SORCS2: variants seen among roughly 807,000 people sequenced by gnomAD.
SORCS2 encodes the protein VPS10 domain-containing receptor SorCS2.
Under a neutral mutation model 141.6 loss-of-function variants are expected in SORCS2, and 100 were observed. The ratio of observed to expected loss-of-function variants is 0.71; its 90% CI spans 0.60 to 0.83. The LOEUF (loss-of-function observed/expected upper bound fraction) is 0.83, where lower values mean the gene tolerates loss of function less well. Among genes scored for constraint, SORCS2 ranks in the 40% least tolerant of loss-of-function variants. SORCS2 has a pLI of 0.00. For missense variants in SORCS2, 1,646 were observed against 1,560.2 expected (o/e 1.05, Z -0.93); for synonymous variants, 789 against 676.9 (o/e 1.17, Z -2.57).
At chr4:7,292,748 C>T (rs1226090935) in intron 1 of SORCS2, among the ~76,000 whole-genome samples, 1 of 152,112 alleles carries the variant, frequency 6.6e-6, no homozygotes, top group East Asian at 1.9e-4. Context: ...TCGGGAATCC[C>T]CTGCTGTTTT....
chr4:7,568,780 T>G (rs1360670753), intron 3 of SORCS2, among the ~76,000 whole-genome samples: 1 of 152,232 alleles, frequency 6.6e-6, no homozygotes, highest in Non-Finnish European at 1.5e-5. Context: ...TGCTATCCAG[T>G]AGAAGTCTAT....
At chr4:7,334,897 G>C (rs1719890801) in intron 1 of SORCS2, among the ~76,000 whole-genome samples, 1 of 152,148 alleles carries the variant, frequency 6.6e-6, no homozygotes, top group Non-Finnish European at 1.5e-5. Flanking sequence ...GCGAGTGTCA[G>C]TATCAGGCAT....
chr4:7,205,010 A>G (rs1727659617), intron 1 of SORCS2, among the ~76,000 whole-genome samples: 1 of 152,198 alleles, frequency 6.6e-6, no homozygotes, highest in African/African-American at 2.4e-5. Context: ...AAGTAATTCA[A>G]TTTGCACTCT....
At chr4:7,315,619 T>G (rs1718503830) in intron 1 of SORCS2, among the ~76,000 whole-genome samples, 1 of 152,184 alleles carries the variant, frequency 6.6e-6, no homozygotes, top group Non-Finnish European at 1.5e-5. Flanking sequence ...CATGTCCTCT[T>G]TCCTCCCAGG....
intron 25 of SORCS2, among the ~76,000 whole-genome samples, chr4:7,734,945 T>G (rs1712046149): frequency 6.6e-6 from 1 of 152,110 alleles, no homozygotes; most frequent in Non-Finnish European, 1.5e-5. Flanking sequence ...AAGAACAGTG[T>G]TTGTCTATTG....
chr4:7,281,226 C>T (rs375208529), intron 1 of SORCS2, among the ~76,000 whole-genome samples: 5 of 152,130 alleles, frequency 3.3e-5, no homozygotes, highest in East Asian at 1.9e-4. Context: ...ACTCTTGCCA[C>T]AGCCGTGTTC....
rs1292224218 is a variant in SORCS2, at chr4:7,703,189, A to G, written c.1669-91A>G. 10 of 1,034,572 alleles carry G rather than the reference A, an allele frequency of 9.7e-6. No homozygotes were observed. In the East Asian group the frequency reaches 2.8e-4, roughly 29 times the overall value. The allele number at this position is 1,034,572 out of a possible 1,614,324, so 64.1% of individuals were successfully genotyped here. On this transcript the variant is annotated intron_variant, in intron 12 of 26. Coordinates refer to ENST00000507866, the MANE Select transcript of SORCS2 (RefSeq NM_020777.3). Reference sequence around the variant, plus strand: ...CTCTGCCAACAACCCCCGGCTGCACATTGACAACCCTCCTCCCAGGAGCCG... The same window carrying G: ...CTCTGCCAACAACCCCCGGCTGCACGTTGACAACCCTCCTCCCAGGAGCCG...
intron 1 of SORCS2, among the ~76,000 whole-genome samples, chr4:7,264,506 G>A (rs983655697): frequency 7.2e-5 from 11 of 152,236 alleles, no homozygotes; most frequent in Middle Eastern, 3.4e-3. Context: ...CCCGACCACC[G>A]GCTATCCACA....
chr4:7,287,446 C>T (rs1716303699), intron 1 of SORCS2, among the ~76,000 whole-genome samples: 1 of 152,160 alleles, frequency 6.6e-6, no homozygotes, highest in Non-Finnish European at 1.5e-5. Context: ...GGCGTGGGGG[C>T]ACATCGCCCT....
chr4:7,724,121 G>GTGGTGGTGGTGGTGGTGA (rs1726804895), intron 19 of SORCS2, among the ~76,000 whole-genome samples: 4 of 131,188 alleles, frequency 3.0e-5, no homozygotes, highest in African/African-American at 6.7e-5. Flanking sequence ...GGTGATGGTG[G>GTGGTGGTGGTGGTGGTGA]TGGTGGTGGT....
intron 1 of SORCS2, among the ~76,000 whole-genome samples, chr4:7,339,633 T>A (rs1720247566): frequency 6.6e-6 from 1 of 152,220 alleles, no homozygotes; most frequent in South Asian, 2.1e-4. Context: ...CCCAGTCATA[T>A]TGGGCTCACC....
At chr4:7,229,464 T>C (rs1306747411) in intron 1 of SORCS2, among the ~76,000 whole-genome samples, 2 of 152,202 alleles carry the variant, frequency 1.3e-5, no homozygotes, top group East Asian at 3.9e-4. Context: ...AGCCTCTGTC[T>C]TGTAAAGTTG....
At chr4:7,512,239 C>T (rs1445982186) in intron 2 of SORCS2, among the ~76,000 whole-genome samples, 5 of 152,158 alleles carry the variant, frequency 3.3e-5, no homozygotes, top group African/African-American at 1.2e-4. Context: ...CCCAAGGCAT[C>T]TCTGTGGCCG....
intron 2 of SORCS2, among the ~76,000 whole-genome samples, chr4:7,449,535 C>T (rs1230671274): frequency 6.6e-6 from 1 of 151,084 alleles, no homozygotes; most frequent in African/African-American, 2.4e-5. Context: ...ATGGGGATGA[C>T]ACTTCCTGCC....
At chr4:7,534,997 G>C (rs1349723144) in intron 3 of SORCS2, among the ~76,000 whole-genome samples, 2 of 152,204 alleles carry the variant, frequency 1.3e-5, no homozygotes, top group Non-Finnish European at 2.9e-5. Context: ...CCACCCCACA[G>C]CCACCCAGAT....
chr4:7,280,659 A>G (rs535150330), intron 1 of SORCS2, among the ~76,000 whole-genome samples: 1 of 152,186 alleles, frequency 6.6e-6, no homozygotes, highest in Non-Finnish European at 1.5e-5. Context: ...ACTGATTTCA[A>G]TTCCCACCAT....
intron 3 of SORCS2, among the ~76,000 whole-genome samples, chr4:7,545,116 T>A (rs1713147235): frequency 7.0e-6 from 1 of 142,940 alleles, no homozygotes; most frequent in Non-Finnish European, 1.5e-5. Flanking sequence ...TTAAAGTCAA[T>A]AGGTTATTGT....
intron 1 of SORCS2, among the ~76,000 whole-genome samples, chr4:7,387,793 C>CACACACATACAGGTACACGGAGATACAT (rs1232497807): frequency 1.7e-5 from 2 of 115,142 alleles, no homozygotes; most frequent in East Asian, 7.5e-4. Context: ...TAGGTACATG[C>CACACACATACAGGTACACGGAGATACAT]ATGCTCACAT....
At chr4:7,589,087 G>GCACCCC (rs1716733606) in intron 3 of SORCS2, among the ~76,000 whole-genome samples, 1 of 152,170 alleles carries the variant, frequency 6.6e-6, no homozygotes, top group African/African-American at 2.4e-5. Flanking sequence ...CACAGGAGGT[G>GCACCCC]TGGGGCGAAG....
Sources: allele counts gnomAD v4.1 joint callset (sites outside exome capture counted in the v4.1 genomes callset), GRCh38; gene constraint gnomAD v4.1.1; transcripts MANE v1.5; gene names NCBI Gene and HGNC (gene_info 2026-07-23, HGNC 2026-07-21).